Variants in ZFP69B observed in about 807,000 individuals in gnomAD.
The protein encoded by ZFP69B is ZFP69 zinc finger protein B, also known as zinc finger protein 69 homolog B.
A neutral mutation model predicts 19.7 loss-of-function variants in ZFP69B; 20 were observed. That is an observed-to-expected ratio of 1.02 (90% confidence interval 0.71 to 1.48). ZFP69B has a LOEUF of 1.48. ZFP69B is among the 40% of genes most tolerant of loss of function. ZFP69B has a pLI of 0.00. For missense variants in ZFP69B, 583 were observed against 632.6 expected, an observed-to-expected ratio of 0.92 and a Z score of 0.84; for synonymous variants, 220 against 222.7, an observed-to-expected ratio of 0.99 and a Z score of 0.11.
intron 3 of ZFP69B, 70 bp from the exon 4 acceptor site, chr1:40,457,272 AAG>A: frequency 6.4e-7 from 1 of 1,557,566 alleles, no homozygotes; most frequent in Non-Finnish European, 8.8e-7. Context: ...CCGAATACCA[AAG>A]AACCATATTT....
intron 2 of ZFP69B, among the ~76,000 whole-genome samples, chr1:40,455,948 A>G (rs927790402): frequency 2.6e-5 from 4 of 152,038 alleles, no homozygotes; most frequent in African/African-American, 9.7e-5. Context: ...ATCCCTTTTT[A>G]TGGCTGCATA....
Position 40,454,204 on chromosome 1 carries a change from T to C in ZFP69B, c.129T>C (p.Ala43=). 6.3e-7 allele frequency: 1 copy of C among 1,596,078 alleles called. No homozygotes were observed. The highest frequency in any genetic ancestry group is 8.5e-7 in the Non-Finnish European group (1 of 1,170,108). The change falls in exon 2 of 5, where the codon GCT becomes GCC. Residue 43 remains alanine, a splice_region_variant and synonymous_variant. Coordinates refer to ENST00000361584, the MANE Select transcript of ZFP69B (RefSeq NM_023070.3). ...EDVTKMFKAE[A]LLSQDADETQ... is the part of the protein sequence containing the mutation. ...CTCATGGCTCTTTTCCTTCCCCAGC[T>C]CTGCTGTCTCAGGATGCTGATGAGA...
intron 2 of ZFP69B, 32 bp downstream of exon 2, chr1:40,454,320 A>T: frequency 6.7e-7 from 1 of 1,481,520 alleles, no homozygotes; most frequent in African/African-American, 1.4e-5. Flanking sequence ...CTTTCTTGAC[A>T]TTGTTTCTCA....
intron 4 of ZFP69B, among the ~76,000 whole-genome samples, chr1:40,459,755 T>C (rs1363535397): frequency 1.3e-5 from 2 of 152,158 alleles, no homozygotes; most frequent in African/African-American, 4.8e-5. Context: ...GTCCCTGTAA[T>C]CAGTAATCTA....
intron 4 of ZFP69B, among the ~76,000 whole-genome samples, chr1:40,460,749 G>C (rs3013470): frequency 0.028 from 4,273 of 152,122 alleles, 210 homozygotes; most frequent in African/African-American, 0.099. Context: ...TTGGGAGGCC[G>C]AGGCGGGCGG....
intron 2 of ZFP69B, 67 bp from the exon 3 acceptor site, chr1:40,456,878 G>C: frequency 1.3e-6 from 2 of 1,557,578 alleles, no homozygotes; most frequent in Non-Finnish European, 1.7e-6. Flanking sequence ...GAATCTCTTA[G>C]CATCTAGACA....
At chr1:40,461,491 T>C (rs1200881640) in intron 4 of ZFP69B, among the ~76,000 whole-genome samples, 1 of 152,148 alleles carries the variant, frequency 6.6e-6, no homozygotes, top group Non-Finnish European at 1.5e-5. Flanking sequence ...TGAGATGATA[T>C]GATGTTAGAA....
chr1:40,462,345 C>A, intron 4 of ZFP69B, 76 bp from the exon 5 acceptor site: 1 of 1,354,882 alleles, frequency 7.4e-7, no homozygotes, highest in East Asian at 2.3e-5. Context: ...TATATTTTGT[C>A]CTTCCATTCT....
intron 1 of ZFP69B, among the ~76,000 whole-genome samples, chr1:40,453,054 G>A (rs1645200563): frequency 6.9e-6 from 1 of 145,636 alleles, no homozygotes; most frequent in African/African-American, 2.6e-5. Context: ...TCTGCCTCCC[G>A]GGTTCAAGTG....
chr1:40,462,750 C>T lies in ZFP69B; in HGVS notation c.766C>T (p.Pro256Ser). Residue 256 changes from proline (P) to serine (S), a missense_variant, in exon 5 of 5, where the codon CCT becomes TCT. By Grantham distance (74) the Pro-to-Ser change is moderately conservative. Coordinates refer to ENST00000361584, the MANE Select transcript of ZFP69B (RefSeq NM_023070.3). ...PRKRDRKYDT[P>S]GKRSRYNIDL... Reference sequence around the variant, plus strand: ...AAAAAGAGATCGTAAATATGACACACCTGGAAAGAGAAGCAGATACAACAT... The same window carrying T: ...AAAAAGAGATCGTAAATATGACACATCTGGAAAGAGAAGCAGATACAACAT... 1 of 1,614,052 alleles carries T rather than the reference C, an allele frequency of 6.2e-7. No homozygotes were observed.
chr1:40,460,245 A>G (rs924413837), intron 4 of ZFP69B, among the ~76,000 whole-genome samples: 1 of 152,232 alleles, frequency 6.6e-6, no homozygotes, highest in Non-Finnish European at 1.5e-5. Flanking sequence ...GTGTAATTTT[A>G]TAACAATGAA....
intron 4 of ZFP69B, among the ~76,000 whole-genome samples, chr1:40,459,143 A>C (rs1371546940): frequency 6.6e-6 from 1 of 152,174 alleles, no homozygotes; most frequent in Non-Finnish European, 1.5e-5. Context: ...GAGTTTAGGG[A>C]ATAACCAGCA....
chr1:40,461,172 C>G (rs1410347723), intron 4 of ZFP69B, among the ~76,000 whole-genome samples: 1 of 146,732 alleles, frequency 6.8e-6, no homozygotes, highest in Non-Finnish European at 1.5e-5. Flanking sequence ...AAGATATAGA[C>G]TTAAAACAGA....
chr1:40,452,017 C>T (rs1014163445), intron 1 of ZFP69B, among the ~76,000 whole-genome samples: 10 of 152,064 alleles, frequency 6.6e-5, no homozygotes, highest in African/African-American at 1.9e-4. Flanking sequence ...CCCAGCTACT[C>T]GGGAGGTTGA....
chr1:40,457,296 A>T (rs753884139), intron 3 of ZFP69B, 48 bp from the exon 4 acceptor site: 2 of 1,591,918 alleles, frequency 1.3e-6, no homozygotes, highest in Non-Finnish European at 1.7e-6. Context: ...AATTCTTGGG[A>T]TGGCTCTGTG....
upstream of ZFP69B, chr1:40,450,210 G>C (rs1645170763): frequency 6.6e-6 from 1 of 152,284 alleles, no homozygotes; most frequent in South Asian, 2.1e-4. Flanking sequence ...TGGGGAGCTG[G>C]GCGAGCCGGG....
In ZFP69B at chr1:40,450,913, C is replaced by T; in HGVS notation, c.-49C>T. On this transcript the variant is annotated 5_prime_UTR_variant, in exon 1 of 5. Transcript: ENST00000361584. ...AATTTCCTCATCAGAGGTGGACAAG[C>T]CCTATGGGCTAAGACAGAGGGTCCT... 1 of 1,484,546 alleles carries T rather than the reference C, an allele frequency of 6.7e-7. No homozygotes were observed. The highest frequency in any genetic ancestry group is 9.0e-7 in the Non-Finnish European group (1 of 1,114,130). 92.0% of individuals were successfully genotyped at this position (1,484,546 alleles called of 1,614,324 possible). A position where few individuals can be genotyped will look rare whatever the true frequency, so the allele number is the denominator to read the frequency against.
rs987984361 is a variant in ZFP69B at position 40,463,518 on chromosome 1, T to G, written c.1534T>G (p.Phe512Val). The G allele has an allele frequency of 6.2e-7, 1 of 1,614,148 alleles. No individual in the cohort carries two copies. Among genetic ancestry groups the G allele is most frequent in the South Asian group, 1.1e-5 (1 of 91,078 alleles). ...TGATTGTAATGAGTGTGGAAAAGCCTTCAGCTGTAGTTCATCCCTTATTAG... is the reference window on the plus strand; with the variant it reads ...TGATTGTAATGAGTGTGGAAAAGCCGTCAGCTGTAGTTCATCCCTTATTAG... Reference protein sequence around the residue: ...PYDCNECGKAFSCSSSLIRHC... With the variant: ...PYDCNECGKAVSCSSSLIRHC... Residue 512 changes from phenylalanine to valine, a missense_variant, in exon 5 of 5, where the codon TTC (phenylalanine) becomes GTC (valine). Coordinates refer to ENST00000361584, the MANE Select transcript of ZFP69B (RefSeq NM_023070.3).
Position 40,463,041 on chromosome 1 carries a change from C to T in ZFP69B, c.1057C>T (p.His353Tyr). 1 of 1,613,932 alleles carries T rather than the reference C, an allele frequency of 6.2e-7. No individual in the cohort carries two copies. The highest frequency in any genetic ancestry group is 8.5e-7 in the Non-Finnish European group (1 of 1,179,824). ...TFRHPSSLTQ[H>Y]VRIHTGEKPY... is the part of the protein sequence containing the mutation. The stretch of plus-strand genomic sequence containing the variant: ...CAGACATCCTTCATCGCTTACTCAA[C>T]ATGTTAGAATTCATACCGGGGAAAA... The change falls in exon 5 of 5, where the codon CAT becomes TAT. Residue 353 changes from histidine (H) to tyrosine (Y), a missense_variant. By Grantham distance (83) the His-to-Tyr change is moderately conservative. Coordinates refer to ENST00000361584, the MANE Select transcript of ZFP69B (RefSeq NM_023070.3).
Sources: gnomAD v4.1 joint callset for allele counts (sites outside exome capture counted in the v4.1 genomes callset) on GRCh38, gnomAD v4.1.1 for gene constraint, MANE v1.5 for transcripts, NCBI Gene and HGNC (gene_info 2026-07-23, HGNC 2026-07-21) for gene names.